Variants in KCNH7 observed in about 807,000 individuals in gnomAD.
KCNH7 encodes the protein potassium voltage-gated channel subfamily H member 7.
Under a neutral mutation model 120.8 loss-of-function variants are expected in KCNH7, and 49 were observed. That is an observed-to-expected ratio of 0.41 (90% CI 0.32 to 0.51). The LOEUF is 0.51. Ranked by LOEUF, KCNH7 falls within the 20% of genes least tolerant of loss-of-function variation. The pLI, the probability that KCNH7 is intolerant of heterozygous loss-of-function variation, is 0.38. For missense variants in KCNH7, 1,097 were observed against 1,446.6 expected, an observed-to-expected ratio of 0.76 and a Z score of 3.92; for synonymous variants, 547 against 516.1, an observed-to-expected ratio of 1.06 and a Z score of -0.81.
At chr2:162,416,037 G>T (rs937430698) in intron 9 of KCNH7, among the ~76,000 whole-genome samples, 1 of 152,024 alleles carries the variant, frequency 6.6e-6, no homozygotes, top group East Asian at 1.9e-4. Context: ...CTAGTCAAAG[G>T]GAATTGCTTT....
intron 2 of KCNH7, among the ~76,000 whole-genome samples, chr2:162,617,739 CA>C (rs970774583): frequency 3.3e-5 from 5 of 151,518 alleles, no homozygotes; most frequent in African/African-American, 1.2e-4. Context: ...TACTAATGTA[CA>C]AAAAAAATCA....
chr2:162,472,320 A>T (rs1303963892), intron 6 of KCNH7, among the ~76,000 whole-genome samples: 2 of 152,208 alleles, frequency 1.3e-5, no homozygotes, highest in Non-Finnish European at 2.9e-5. Flanking sequence ...AATGGGAGAA[A>T]ATTTTTGCAA....
At chr2:162,470,224 G>A (rs529395387) in intron 6 of KCNH7, among the ~76,000 whole-genome samples, 7 of 151,482 alleles carry the variant, frequency 4.6e-5, no homozygotes, top group Non-Finnish European at 7.4e-5. Flanking sequence ...AAAGTGAGGA[G>A]CCTCTCTGCC....
rs1280379108 is a variant in KCNH7 at position 162,371,964 on chromosome 2, T to C, written c.3456A>G (p.Leu1152=). 1 of 1,613,904 alleles carries C rather than the reference T, an allele frequency of 6.2e-7. No individual in the cohort carries two copies. The highest frequency in any genetic ancestry group is 8.5e-7 in the Non-Finnish European group (1 of 1,179,886). The change falls in exon 16 of 16, where the codon TTA becomes TTG. Residue 1152 remains leucine, a synonymous_variant. Coordinates refer to ENST00000332142, the MANE Select transcript of KCNH7 (RefSeq NM_033272.4). ...TTTTTCTTTGCCGCAGGTGAAGCTCTAAAGAGAGATCACTGTCTTGTTTTA... is the reference window on the plus strand; with the variant it reads ...TTTTTCTTTGCCGCAGGTGAAGCTCCAAAGAGAGATCACTGTCTTGTTTTA... The part of the protein sequence containing the change: ...SLLKQDSDLS[L]ELHLRQRKTY...
chr2:162,743,149 GTCT>G lies in KCNH7; in HGVS notation c.307+93385_307+93387del, dbSNP rs367660061. On this transcript the variant is annotated intron_variant, in intron 2 of 15. Coordinates refer to ENST00000332142, the MANE Select transcript of KCNH7 (RefSeq NM_033272.4). ...TTGCTATATACCTCTGTATGACAGA[GTCT>G]ACCATCTGCATCTCTCTCTGTAACT... Among the ~76,000 whole-genome samples, 67 of 152,222 alleles carry G rather than the reference GTCT, an allele frequency of 4.4e-4. No homozygotes were observed. The South Asian group carries it at 0.012, about 28-fold the overall frequency.
intron 12 of KCNH7, among the ~76,000 whole-genome samples, chr2:162,391,617 T>A (rs1461854542): frequency 6.6e-6 from 1 of 152,080 alleles, no homozygotes; most frequent in East Asian, 1.9e-4. Context: ...AAAGGCATAG[T>A]ATTCAAAATC....
chr2:162,823,043 A>G (rs1465147377), intron 2 of KCNH7, among the ~76,000 whole-genome samples: 1 of 152,222 alleles, frequency 6.6e-6, no homozygotes, highest in African/African-American at 2.4e-5. Flanking sequence ...GTGTCATTGT[A>G]TCTACGTGAA....
At chr2:162,609,539 T>C (rs1682890784) in intron 2 of KCNH7, among the ~76,000 whole-genome samples, 1 of 152,138 alleles carries the variant, frequency 6.6e-6, no homozygotes, top group African/African-American at 2.4e-5. Context: ...GATCATTTAG[T>C]CTAACCTTTT....
chr2:162,400,354 C>T lies in KCNH7; in HGVS notation c.2242G>A (p.Gly748Arg). Reference protein sequence around the residue: ...TLLQNCKAFRGASKGCLRALA... With the variant: ...TLLQNCKAFRRASKGCLRALA... ...GCTCTAAGGCAACCTTTACTTGCCC[C>T]CCGAAAGGCTTTGCAGTTTTGCAGC... Residue 748 changes from glycine (G) to arginine (R), a missense_variant, in exon 10 of 16, where the codon GGG becomes AGG. Gly to Arg is a moderately radical substitution (Grantham distance 125). Coordinates refer to ENST00000332142, the MANE Select transcript of KCNH7 (RefSeq NM_033272.4). The T allele has an allele frequency of 6.2e-7, 1 of 1,612,460 alleles. No homozygotes were observed. The highest frequency in any genetic ancestry group is 1.1e-5 in the South Asian group (1 of 91,048).
chr2:162,686,135 T>C (rs990553424), intron 2 of KCNH7, among the ~76,000 whole-genome samples: 4 of 152,074 alleles, frequency 2.6e-5, no homozygotes, highest in African/African-American at 7.2e-5. Context: ...CTGAAGGGTA[T>C]AAAACGTTTC....
intron 2 of KCNH7, among the ~76,000 whole-genome samples, chr2:162,564,197 C>G (rs1456783455): frequency 6.6e-6 from 1 of 152,032 alleles, no homozygotes; most frequent in Non-Finnish European, 1.5e-5. Flanking sequence ...TTCCACCCCT[C>G]CATTAATATT....
chr2:162,757,764 A>T (rs1053677618), intron 2 of KCNH7, among the ~76,000 whole-genome samples: 1 of 152,166 alleles, frequency 6.6e-6, no homozygotes, highest in Non-Finnish European at 1.5e-5. Context: ...GGGCATGCTT[A>T]TTGAGTGCAA....
intron 3 of KCNH7, among the ~76,000 whole-genome samples, chr2:162,532,276 T>A (rs1187303109): frequency 6.6e-6 from 1 of 151,674 alleles, no homozygotes; most frequent in Non-Finnish European, 1.5e-5. Context: ...CTCCCTGGAG[T>A]GTTGGGACAC....
chr2:162,690,809 T>G (rs1686074142), intron 2 of KCNH7, among the ~76,000 whole-genome samples: 1 of 152,170 alleles, frequency 6.6e-6, no homozygotes, highest in Non-Finnish European at 1.5e-5. Flanking sequence ...GAGAGAAAAC[T>G]TGCACAGAAA....
At chr2:162,412,618 C>T (rs145236990) in intron 9 of KCNH7, among the ~76,000 whole-genome samples, 78 of 152,156 alleles carry the variant, frequency 5.1e-4, no homozygotes, top group Non-Finnish European at 9.6e-4. Context: ...TGGAATAGTG[C>T]CCATTTATGG....
Position 162,613,592 on chromosome 2 carries a change from T to C in KCNH7, c.308-76512A>G, listed in dbSNP as rs545050921. On this transcript the variant is annotated intron_variant, in intron 2 of 15. Transcript: ENST00000332142. ...AAACTCCTTTTTAAAATTATGACTC[T>C]TTCAAAAATACACTGTTCTTTCCTA... Among the ~76,000 whole-genome samples the C allele has an allele frequency of 3.9e-5, 6 of 152,146 alleles. No homozygotes were observed. In the South Asian group the frequency reaches 1.2e-3, roughly 32 times the overall value.
At chr2:162,748,966 C>CCTTCCTTA (rs1688445417) in intron 2 of KCNH7, among the ~76,000 whole-genome samples, 2 of 138,928 alleles carry the variant, frequency 1.4e-5, no homozygotes, top group Non-Finnish European at 3.1e-5. Context: ...TTCCTTCCTT[C>CCTTCCTTA]CTTCCTTCCT....
chr2:162,668,133 C>A (rs1468006735), intron 2 of KCNH7, among the ~76,000 whole-genome samples: 3 of 151,882 alleles, frequency 2.0e-5, no homozygotes, highest in Admixed American at 2.0e-4. Flanking sequence ...GCAGAGATGT[C>A]AAGAAAGTAG....
chr2:162,594,853 A>C (rs552177083), intron 2 of KCNH7, among the ~76,000 whole-genome samples: 2 of 152,044 alleles, frequency 1.3e-5, no homozygotes, highest in South Asian at 4.1e-4. Flanking sequence ...TTTGGTATCC[A>C]TGAGGGATTC....
Sources: gnomAD v4.1 joint callset for allele counts (sites outside exome capture counted in the v4.1 genomes callset) on GRCh38, gnomAD v4.1.1 for gene constraint, MANE v1.5 for transcripts, NCBI Gene and HGNC (gene_info 2026-07-23, HGNC 2026-07-21) for gene names.